Variants in INSM1 observed in about 807,000 individuals in gnomAD.
The protein encoded by INSM1 is insulinoma-associated protein 1.
A neutral mutation model predicts 21.1 loss-of-function variants in INSM1; 11 were observed. The observed-to-expected ratio is 0.52, with a 90% confidence interval of 0.33 to 0.86. The LOEUF (loss-of-function observed/expected upper bound fraction) is 0.86. Among genes scored for constraint, INSM1 ranks in the 40% least tolerant of loss-of-function variants. INSM1 has a pLI of 0.03. For missense variants in INSM1, 843 were observed against 760.1 expected, an observed-to-expected ratio of 1.11 and a Z score of -1.28; for synonymous variants, 473 against 386.1, an observed-to-expected ratio of 1.23 and a Z score of -2.64.
rs1002648171 is a variant in INSM1 at position 20,368,839 on chromosome 20, C to G, written c.572C>G (p.Pro191Arg). The G allele has an allele frequency of 1.6e-6, 2 of 1,273,974 alleles. No individual in the cohort carries two copies. Among genetic ancestry groups the G allele is most frequent in the Non-Finnish European group, 2.0e-6 (2 of 1,004,532 alleles). 78.9% of individuals were successfully genotyped at this position (1,273,974 alleles called of 1,614,324 possible). A position where few individuals can be genotyped will look rare whatever the true frequency, so the allele number is the denominator to read the frequency against. Residue 191 changes from proline to arginine, a missense_variant, in exon 1 of 1, where the codon CCT becomes CGT. By Grantham distance (103) the Pro-to-Arg change is moderately radical. Coordinates refer to ENST00000310227, the MANE Select transcript of INSM1 (RefSeq NM_002196.3). The surrounding 1 kb of genome is among the most constrained non-coding windows in gnomAD (Gnocchi z 4.3). Reference sequence around the variant, plus strand: ...CCGGGCCCCGGCCCCCCACTGCCCCCTGCCGCCGCCCTGCGGCCCCCGGGA... The same window carrying G: ...CCGGGCCCCGGCCCCCCACTGCCCCGTGCCGCCGCCCTGCGGCCCCCGGGA... ...RGPGPGPPLPPAAALRPPGKR... is the reference protein window; with the variant it reads ...RGPGPGPPLPRAAALRPPGKR...
rs2059485355 is a variant in INSM1 at position 20,368,595 on chromosome 20, C to G, written c.328C>G (p.His110Asp). The G allele has an allele frequency of 6.8e-7, 1 of 1,467,270 alleles. No individual in the cohort carries two copies. Among genetic ancestry groups the G allele is most frequent in the Non-Finnish European group, 9.1e-7 (1 of 1,097,334 alleles). 90.9% of individuals were successfully genotyped at this position (1,467,270 alleles called of 1,614,324 possible). Reference protein sequence around the residue: ...YSPTRPVSREHEKHKYFERSF... With the variant: ...YSPTRPVSREDEKHKYFERSF... ...TCCCACGCGGCCCGTGAGCCGCGAG[C>G]ACGAGAAGCACAAGTACTTCGAACG... is the stretch of plus-strand genomic sequence containing the variant. The change falls in exon 1 of 1, where the codon CAC becomes GAC. Residue 110 changes from histidine to aspartate, a missense_variant. His to Asp is a moderately conservative substitution (Grantham distance 81). Coordinates refer to ENST00000310227, the MANE Select transcript of INSM1 (RefSeq NM_002196.3). The surrounding 1 kb of genome is among the most constrained non-coding windows in gnomAD (Gnocchi z 4.3).
In INSM1 at chr20:20,368,588, CCG is replaced by C; in HGVS notation, c.324_325del (p.Glu109AlafsTer229). On this transcript the variant is annotated frameshift_variant, in exon 1 of 1. Transcript: ENST00000310227. LOFTEE classifies it high-confidence loss of function. The surrounding 1 kb of genome is among the most constrained non-coding windows in gnomAD (Gnocchi z 4.3). ...TCTACAGTCCCACGCGGCCCGTGAGCCGCGAGCACGAGAAGCACAAGTACTTC... is the reference window on the plus strand; with the variant it reads ...TCTACAGTCCCACGCGGCCCGTGAGCCGAGCACGAGAAGCACAAGTACTTC... ...PLYSPTRPVS[R>X]EHEKHKYFER... The C allele has an allele frequency of 6.8e-7, 1 of 1,466,846 alleles. No homozygotes were observed. The allele number at this position is 1,466,846 out of a possible 1,614,324, so 90.9% of individuals were successfully genotyped here.
chr20:20,369,948 G>A lies in INSM1; in HGVS notation c.*148G>A, dbSNP rs1226791066. ...TGAAAGTGTCGTCTCCGCTTCTCTC[G>A]GTGTGGCGTGACGGTAACCCCATAC... On this transcript the variant is annotated 3_prime_UTR_variant, in exon 1 of 1. Coordinates refer to ENST00000310227, the MANE Select transcript of INSM1 (RefSeq NM_002196.3). The surrounding 1 kb of genome is among the most constrained non-coding windows in gnomAD (Gnocchi z 5.6). The A allele has an allele frequency of 1.3e-5, 9 of 689,012 alleles. No homozygotes were observed. Among genetic ancestry groups the A allele is most frequent in the Non-Finnish European group, 2.4e-6 (1 of 410,384 alleles). The allele number at this position is 689,012 out of a possible 1,614,324, so 42.7% of individuals were successfully genotyped here. A position where few individuals can be genotyped will look rare whatever the true frequency, so the allele number is the denominator to read the frequency against.
chr20:20,369,193 A>G lies in INSM1; in HGVS notation c.926A>G (p.Asn309Ser). 1 of 1,550,196 alleles carries G rather than the reference A, an allele frequency of 6.5e-7. No individual in the cohort carries two copies. The highest frequency in any genetic ancestry group is 1.2e-5 in the South Asian group (1 of 86,382). ...ECAKVFSCPANLASHRRWHKP... is the reference protein window; with the variant it reads ...ECAKVFSCPASLASHRRWHKP... Reference sequence around the variant, plus strand: ...GCCAAGGTCTTCAGCTGCCCGGCCAACCTGGCCTCGCACCGCCGCTGGCAC... The same window carrying G: ...GCCAAGGTCTTCAGCTGCCCGGCCAGCCTGGCCTCGCACCGCCGCTGGCAC... Residue 309 changes from asparagine (N) to serine (S), a missense_variant, in exon 1 of 1, where the codon AAC (asparagine) becomes AGC (serine). By Grantham distance (46) the Asn-to-Ser change is conservative (BLOSUM62 1). Coordinates refer to ENST00000310227, the MANE Select transcript of INSM1 (RefSeq NM_002196.3). This position sits in a 1 kb window ranked among gnomAD's most constrained non-coding sequence, Gnocchi z 5.6.
At position 20,368,360 on chromosome 20, in the gene INSM1, G is replaced by T; in HGVS notation, c.93G>T (p.Leu31=). The part of the protein sequence containing the change: ...RGGEDGDRAL[L]LSPSCGGARA... ...GCGAGGACGGCGACCGCGCACTGCT[G>T]CTCTCGCCCAGCTGCGGGGGCGCCC... The change falls in exon 1 of 1, where the codon CTG becomes CTT. Residue 31 remains leucine (L), a synonymous_variant. Transcript: ENST00000310227. The surrounding 1 kb of genome is among the most constrained non-coding windows in gnomAD (Gnocchi z 4.3). 8.5e-7 allele frequency: 1 copy of T among 1,172,550 alleles called. No homozygotes were observed. The allele number at this position is 1,172,550 out of a possible 1,614,324, so 72.6% of individuals were successfully genotyped here.
chr20:20,368,384 C>A lies in INSM1; in HGVS notation c.117C>A (p.Ala39=). The A allele has an allele frequency of 1.9e-6, 2 of 1,054,192 alleles. 1 individual carries two copies. The highest frequency in any genetic ancestry group is 2.3e-6 in the Non-Finnish European group (2 of 873,638). The allele number at this position is 1,054,192 out of a possible 1,614,324, so 65.3% of individuals were successfully genotyped here. The part of the protein sequence containing the change: ...ALLLSPSCGG[A]RAEPPAPSPV... ...TGCTCTCGCCCAGCTGCGGGGGCGC[C>A]CGCGCCGAGCCCCCGGCGCCGAGCC... The change falls in exon 1 of 1, where the codon GCC becomes GCA. Residue 39 remains alanine (A), a synonymous_variant. Coordinates refer to ENST00000310227, the MANE Select transcript of INSM1 (RefSeq NM_002196.3). This position sits in a 1 kb window ranked among gnomAD's most constrained non-coding sequence, Gnocchi z 4.3.
At position 20,369,222 on chromosome 20, in the gene INSM1, C is replaced by T; in HGVS notation, c.955C>T (p.Pro319Ser). 6.7e-7 allele frequency: 1 copy of T among 1,483,834 alleles called. No homozygotes were observed. Among genetic ancestry groups the T allele is most frequent in the South Asian group, 1.3e-5 (1 of 78,334 alleles). The allele number at this position is 1,483,834 out of a possible 1,614,324, so 91.9% of individuals were successfully genotyped here. A position where few individuals can be genotyped will look rare whatever the true frequency, so the allele number is the denominator to read the frequency against. The change falls in exon 1 of 1, where the codon CCG becomes TCG. Residue 319 changes from proline (P) to serine (S), a missense_variant. By Grantham distance (74) the Pro-to-Ser change is moderately conservative (BLOSUM62 -1). Coordinates refer to ENST00000310227, the MANE Select transcript of INSM1 (RefSeq NM_002196.3). This position sits in a 1 kb window ranked among gnomAD's most constrained non-coding sequence, Gnocchi z 5.6. ...GGCCTCGCACCGCCGCTGGCACAAA[C>T]CGCGGCCCGCGCCCGCCGCCGCCCG... ...NLASHRRWHK[P>S]RPAPAAARAP...
At position 20,368,583 on chromosome 20, in the gene INSM1, G is replaced by T; in HGVS notation, c.316G>T (p.Val106Leu). The T allele has an allele frequency of 6.8e-7, 1 of 1,463,346 alleles. No homozygotes were observed. Among genetic ancestry groups the T allele is most frequent in the African/African-American group, 1.5e-5 (1 of 67,580 alleles). 90.6% of individuals were successfully genotyped at this position (1,463,346 alleles called of 1,614,324 possible). A position where few individuals can be genotyped will look rare whatever the true frequency, so the allele number is the denominator to read the frequency against. The change falls in exon 1 of 1, where the codon GTG (valine) becomes TTG (leucine). Residue 106 changes from valine (V) to leucine (L), a missense_variant. Transcript: ENST00000310227. The surrounding 1 kb of genome is among the most constrained non-coding windows in gnomAD (Gnocchi z 4.3). The part of the protein sequence containing the change: ...PAPLYSPTRP[V>L]SREHEKHKYF... ...GCCGCTCTACAGTCCCACGCGGCCC[G>T]TGAGCCGCGAGCACGAGAAGCACAA...
rs1281336663 is a variant in INSM1 at position 20,369,819 on chromosome 20, G to T, written c.*19G>T. ...CTGCTAGAGCGCGCCCTCCACCCCG[G>T]CCCCCGAACTGTGCCTTCGCTTGGA... On this transcript the variant is annotated 3_prime_UTR_variant, in exon 1 of 1. Coordinates refer to ENST00000310227, the MANE Select transcript of INSM1 (RefSeq NM_002196.3). This position sits in a 1 kb window ranked among gnomAD's most constrained non-coding sequence, Gnocchi z 5.6. 2.6e-5 allele frequency: 41 copies of T among 1,567,404 alleles called. No individual in the cohort carries two copies. Among genetic ancestry groups the T allele is most frequent in the Non-Finnish European group, 3.3e-5 (38 of 1,155,880 alleles).
chr20:20,368,295 A>G lies in INSM1; in HGVS notation c.28A>G (p.Ser10Gly), dbSNP rs1346320451. Residue 10 changes from serine (S) to glycine (G), a missense_variant, in exon 1 of 1, where the codon AGC becomes GGC. Ser to Gly is a moderately conservative substitution (Grantham distance 56). Coordinates refer to ENST00000310227, the MANE Select transcript of INSM1 (RefSeq NM_002196.3). This position sits in a 1 kb window ranked among gnomAD's most constrained non-coding sequence, Gnocchi z 4.3. MPRGFLVKR[S>G]KKSTPVSYRV... ...GCCCCGCGGCTTCCTGGTGAAGCGC[A>G]GCAAGAAGTCCACGCCCGTTTCCTA... 7.6e-7 allele frequency: 1 copy of G among 1,315,018 alleles called. No individual in the cohort carries two copies. The highest frequency in any genetic ancestry group is 9.8e-7 in the Non-Finnish European group (1 of 1,015,686). The allele number at this position is 1,315,018 out of a possible 1,614,324, so 81.5% of individuals were successfully genotyped here. A position where few individuals can be genotyped will look rare whatever the true frequency, so the allele number is the denominator to read the frequency against.
In INSM1 at chr20:20,368,793, G is replaced by A. The variant is rs1348500380; in HGVS notation, c.526G>A (p.Gly176Ser). The change falls in exon 1 of 1, where the codon GGC becomes AGC. Residue 176 changes from glycine (G) to serine (S), a missense_variant. Physicochemically the swap from Gly to Ser is moderately conservative, Grantham distance 56. Coordinates refer to ENST00000310227, the MANE Select transcript of INSM1 (RefSeq NM_002196.3). The surrounding 1 kb of genome is among the most constrained non-coding windows in gnomAD (Gnocchi z 4.3). ...CAAGATGGGCACGGCGTTCTCGGCT[G>A]GCGCCGAGGCGGCCCGCGGCCCGGG... ...ELKMGTAFSA[G>S]AEAARGPGPG... The A allele has an allele frequency of 1.3e-5, 14 of 1,094,292 alleles. No homozygotes were observed. The highest frequency in any genetic ancestry group is 4.4e-5 in the East Asian group (1 of 22,732). 67.8% of individuals were successfully genotyped at this position (1,094,292 alleles called of 1,614,324 possible). A position where few individuals can be genotyped will look rare whatever the true frequency, so the allele number is the denominator to read the frequency against.
chr20:20,368,819 C>A lies in INSM1; in HGVS notation c.552C>A (p.Gly184=), dbSNP rs2059486606. The A allele has an allele frequency of 9.0e-7, 1 of 1,110,962 alleles. No individual in the cohort carries two copies. The highest frequency in any genetic ancestry group is 1.1e-6 in the Non-Finnish European group (1 of 890,746). The allele number at this position is 1,110,962 out of a possible 1,614,324, so 68.8% of individuals were successfully genotyped here. Residue 184 remains glycine, a synonymous_variant, in exon 1 of 1, where the codon GGC becomes GGA. Transcript: ENST00000310227. This position sits in a 1 kb window ranked among gnomAD's most constrained non-coding sequence, Gnocchi z 4.3. ...SAGAEAARGP[G]PGPPLPPAAA... is the part of the protein sequence containing the mutation. ...GCGCCGAGGCGGCCCGCGGCCCGGG[C>A]CCCGGCCCCCCACTGCCCCCTGCCG...
chr20:20,369,527 GGAGGCGGCCGGCGACGGC>G lies in INSM1; in HGVS notation c.1265_1282del (p.Ala422_Glu427del). 6.4e-7 allele frequency: 1 copy of G among 1,558,344 alleles called. No homozygotes were observed. Among genetic ancestry groups the G allele is most frequent in the Non-Finnish European group, 8.6e-7 (1 of 1,160,722 alleles). Reference sequence around the variant, plus strand: ...CCGGGCCCGACGAGAAGGCGCCCCAGGAGGCGGCCGGCGACGGCGAGGGGGCCGGCGTGCTGGGCCTGA... The same window carrying G: ...CCGGGCCCGACGAGAAGGCGCCCCAGGAGGGGGCCGGCGTGCTGGGCCTGA... On this transcript the variant is annotated inframe_deletion, in exon 1 of 1. Coordinates refer to ENST00000310227, the MANE Select transcript of INSM1 (RefSeq NM_002196.3). The surrounding 1 kb of genome is among the most constrained non-coding windows in gnomAD (Gnocchi z 5.6).
At position 20,369,961 on chromosome 20, in the gene INSM1, G is replaced by A. The variant is rs553943652; in HGVS notation, c.*161G>A. ...TCCGCTTCTCTCGGTGTGGCGTGAC[G>A]GTAACCCCATACTCTCCTTTTGACT... On this transcript the variant is annotated 3_prime_UTR_variant, in exon 1 of 1. Transcript: ENST00000310227. This position sits in a 1 kb window ranked among gnomAD's most constrained non-coding sequence, Gnocchi z 5.6. 5 of 656,034 alleles carry A rather than the reference G, an allele frequency of 7.6e-6. No individual in the cohort carries two copies. In the South Asian group the frequency reaches 8.0e-5, roughly 10 times the overall value. 40.6% of individuals were successfully genotyped at this position (656,034 alleles called of 1,614,324 possible). A position where few individuals can be genotyped will look rare whatever the true frequency, so the allele number is the denominator to read the frequency against.
chr20:20,369,303 G>A lies in INSM1; in HGVS notation c.1036G>A (p.Gly346Ser). The A allele has an allele frequency of 1.5e-6, 2 of 1,370,300 alleles. No homozygotes were observed. Among genetic ancestry groups the A allele is most frequent in the Non-Finnish European group, 1.9e-6 (2 of 1,074,364 alleles). 84.9% of individuals were successfully genotyped at this position (1,370,300 alleles called of 1,614,324 possible). The change falls in exon 1 of 1, where the codon GGC becomes AGC. Residue 346 changes from glycine (G) to serine (S), a missense_variant. Transcript: ENST00000310227. This position sits in a 1 kb window ranked among gnomAD's most constrained non-coding sequence, Gnocchi z 5.6. ...RAEAREAPGG[G>S]SDRDTPSPGG... ...TGAGGCGCGGGAGGCACCCGGCGGC[G>A]GCAGCGACCGGGACACGCCGAGCCC... is the stretch of plus-strand genomic sequence containing the variant.
rs759019943 is a variant in INSM1 at position 20,370,579 on chromosome 20, CTTTA to C, written c.*789_*792del. The C allele has an allele frequency of 6.8e-4, 114 of 166,948 alleles. 1 individual carries two copies. The highest frequency in any genetic ancestry group is 9.2e-4 in the Admixed American group (14 of 15,278). 10.3% of individuals were successfully genotyped at this position (166,948 alleles called of 1,614,324 possible). A position where few individuals can be genotyped will look rare whatever the true frequency, so the allele number is the denominator to read the frequency against. ...GATTTATGAGTAATTGTTATTTATTCTTTATTTATTTATATTAATTATGAAGATT... is the reference window on the plus strand; with the variant it reads ...GATTTATGAGTAATTGTTATTTATTCTTTATTTATATTAATTATGAAGATT... On this transcript the variant is annotated 3_prime_UTR_variant, in exon 1 of 1. Coordinates refer to ENST00000310227, the MANE Select transcript of INSM1 (RefSeq NM_002196.3).
Position 20,370,155 on chromosome 20 carries a change from A to T in INSM1, c.*355A>T. The T allele has an allele frequency of 8.2e-6, 2 of 243,710 alleles. No individual in the cohort carries two copies. The highest frequency in any genetic ancestry group is 1.7e-5 in the Non-Finnish European group (2 of 118,226). 15.1% of individuals were successfully genotyped at this position (243,710 alleles called of 1,614,324 possible). On this transcript the variant is annotated 3_prime_UTR_variant, in exon 1 of 1. Coordinates refer to ENST00000310227, the MANE Select transcript of INSM1 (RefSeq NM_002196.3). ...TTTCTTGCTAGTATTCGCTGTGTTC[A>T]TGGTCTAGAAATGCGGTCTGGTCTC...
chr20:20,369,058 T>C lies in INSM1; in HGVS notation c.791T>C (p.Leu264Pro). 1.3e-6 allele frequency: 2 copies of C among 1,567,072 alleles called. No individual in the cohort carries two copies. The highest frequency in any genetic ancestry group is 1.7e-6 in the Non-Finnish European group (2 of 1,163,162). ...RGRAGGAARP[L>P]GEFICQLCKE... Reference sequence around the variant, plus strand: ...CGCGCGGGGGGCGCGGCGCGGCCGCTGGGCGAGTTCATCTGCCAGCTGTGC... The same window carrying C: ...CGCGCGGGGGGCGCGGCGCGGCCGCCGGGCGAGTTCATCTGCCAGCTGTGC... The change falls in exon 1 of 1, where the codon CTG (leucine) becomes CCG (proline). Residue 264 changes from leucine (L) to proline (P), a missense_variant. Coordinates refer to ENST00000310227, the MANE Select transcript of INSM1 (RefSeq NM_002196.3). This position sits in a 1 kb window ranked among gnomAD's most constrained non-coding sequence, Gnocchi z 5.6.
Position 20,368,859 on chromosome 20 carries a change from C to T in INSM1, c.592C>T (p.Pro198Ser). The T allele has an allele frequency of 7.4e-7, 1 of 1,359,604 alleles. No individual in the cohort carries two copies. Among genetic ancestry groups the T allele is most frequent in the Non-Finnish European group, 9.5e-7 (1 of 1,056,664 alleles). 84.2% of individuals were successfully genotyped at this position (1,359,604 alleles called of 1,614,324 possible). A position where few individuals can be genotyped will look rare whatever the true frequency, so the allele number is the denominator to read the frequency against. ...PLPPAAALRPPGKRPPPPTAA... is the reference protein window; with the variant it reads ...PLPPAAALRPSGKRPPPPTAA... ...GCCCCCTGCCGCCGCCCTGCGGCCC[C>T]CGGGAAAGCGGCCCCCGCCCCCTAC... is the stretch of plus-strand genomic sequence containing the variant. Residue 198 changes from proline to serine, a missense_variant, in exon 1 of 1, where the codon CCG (proline) becomes TCG (serine). Physicochemically the swap from Pro to Ser is moderately conservative, Grantham distance 74. Transcript: ENST00000310227. The surrounding 1 kb of genome is among the most constrained non-coding windows in gnomAD (Gnocchi z 4.3).
Sources: gnomAD v4.1 joint callset for allele counts on GRCh38, gnomAD v4.1.1 for gene constraint, Gnocchi (gnomAD v3.1) non-coding constraint, MANE v1.5 for transcripts, NCBI Gene and HGNC (gene_info 2026-07-23, HGNC 2026-07-21) for gene names.